OTUD7A: variants seen among roughly 807,000 people sequenced by gnomAD.
OTUD7A encodes OTU domain-containing protein 7A.
OTUD7A carries 12 observed loss-of-function variants against 65.7 expected under a neutral mutation model. The ratio of observed to expected loss-of-function variants is 0.18; its 90% CI spans 0.12 to 0.30. OTUD7A has a LOEUF of 0.30. OTUD7A is among the 10% of genes least tolerant of loss of function. The pLI is 1.00. For synonymous variants in OTUD7A, 641 were observed against 586.3 expected (o/e 1.09, Z -1.35); for missense variants, 1,148 against 1,304.8 (o/e 0.88, Z 1.85).
At chr15:31,527,628 C>G (rs992089113) in intron 6 of OTUD7A, among the ~76,000 whole-genome samples, 2 of 152,250 alleles carry the variant, frequency 1.3e-5, no homozygotes, top group Admixed American at 6.5e-5. Flanking sequence ...GGTCATTATT[C>G]AAGTCTTACA....
intron 1 of OTUD7A, among the ~76,000 whole-genome samples, chr15:31,693,686 C>T (rs1381401221): frequency 6.6e-6 from 1 of 152,168 alleles, no homozygotes; most frequent in Non-Finnish European, 1.5e-5. Flanking sequence ...AGACCCAGGT[C>T]TGTAAGGTGC....
chr15:31,536,863 A>C (rs1169112483), intron 5 of OTUD7A, among the ~76,000 whole-genome samples: 1 of 152,230 alleles, frequency 6.6e-6, no homozygotes, highest in Non-Finnish European at 1.5e-5. Context: ...GACGATGAAG[A>C]GAAGTGGGTT....
intron 3 of OTUD7A, among the ~76,000 whole-genome samples, chr15:31,605,831 G>T (rs932444513): frequency 6.6e-6 from 1 of 152,042 alleles, no homozygotes; most frequent in African/African-American, 2.4e-5. Context: ...CTCTTTCCAC[G>T]CCCTCTCTCC....
intron 1 of OTUD7A, among the ~76,000 whole-genome samples, chr15:31,679,084 G>T (rs1227465733): frequency 6.6e-6 from 1 of 152,172 alleles, no homozygotes; most frequent in African/African-American, 2.4e-5. Context: ...GAACTTTAAG[G>T]TTTAACATTG....
At chr15:31,830,339 T>C (rs1595798757) in intron 1 of OTUD7A, among the ~76,000 whole-genome samples, 1 of 152,310 alleles carries the variant, frequency 6.6e-6, no homozygotes, top group Non-Finnish European at 1.5e-5. Flanking sequence ...CCTCTGAATA[T>C]CTGCAATACC....
chr15:31,721,263 T>C (rs1325184157), intron 1 of OTUD7A, among the ~76,000 whole-genome samples: 1 of 152,238 alleles, frequency 6.6e-6, no homozygotes, highest in East Asian at 1.9e-4. Flanking sequence ...TGCTTGTTGC[T>C]TTTGAGGTCA....
At chr15:31,819,764 T>G (rs927519638) in intron 1 of OTUD7A, among the ~76,000 whole-genome samples, 2 of 151,602 alleles carry the variant, frequency 1.3e-5, no homozygotes, top group African/African-American at 2.4e-5. Flanking sequence ...ATATATAACA[T>G]ATAAGTAACA....
At chr15:31,550,424 G>A (rs1365425710) in intron 5 of OTUD7A, among the ~76,000 whole-genome samples, 1 of 152,190 alleles carries the variant, frequency 6.6e-6, no homozygotes, top group Non-Finnish European at 1.5e-5. Flanking sequence ...ACACATGCAT[G>A]AGACTTGGCA....
At chr15:31,866,912 C>T (rs1156653959) in intron 1 of OTUD7A, among the ~76,000 whole-genome samples, 1 of 152,204 alleles carries the variant, frequency 6.6e-6, no homozygotes, top group Non-Finnish European at 1.5e-5. Context: ...TAAAGAAATG[C>T]CCAGTCATAG....
intron 1 of OTUD7A, among the ~76,000 whole-genome samples, chr15:31,670,446 C>T (rs4275817): frequency 0.34 from 51,452 of 151,836 alleles, 11,453 homozygotes; most frequent in African/African-American, 0.64. Context: ...GCATCTGTTG[C>T]TTCTTGGCTT....
At chr15:31,798,843 C>T (rs185739853) in intron 1 of OTUD7A, among the ~76,000 whole-genome samples, 67 of 152,338 alleles carry the variant, frequency 4.4e-4, no homozygotes, top group South Asian at 2.3e-3. Context: ...CTGAGGAGCT[C>T]TGTGCCTAGG....
chr15:31,565,064 T>G (rs1888821946), intron 4 of OTUD7A, among the ~76,000 whole-genome samples: 1 of 152,114 alleles, frequency 6.6e-6, no homozygotes, highest in Non-Finnish European at 1.5e-5. Flanking sequence ...AGGATGAAAC[T>G]CAGAGAAGAC....
At chr15:31,563,498 G>A (rs1888761599) in intron 4 of OTUD7A, among the ~76,000 whole-genome samples, 1 of 152,234 alleles carries the variant, frequency 6.6e-6, no homozygotes, top group Non-Finnish European at 1.5e-5. Context: ...GGGAATGGGT[G>A]AGGCCGACAG....
At chr15:31,651,992 T>C (rs1244131339) in intron 3 of OTUD7A, among the ~76,000 whole-genome samples, 1 of 74,004 alleles carries the variant, frequency 1.4e-5, no homozygotes, top group South Asian at 3.8e-4. Flanking sequence ...AAAGTTCACA[T>C]AGAAAGGCAA....
chr15:31,593,846 G>A lies in OTUD7A; in HGVS notation c.152-23649C>T, dbSNP rs539410661. Among the ~76,000 whole-genome samples, 4 of 152,212 alleles carry A rather than the reference G, an allele frequency of 2.6e-5. No homozygotes were observed. The South Asian group carries it at 8.3e-4, about 32-fold the overall frequency. On this transcript the variant is annotated intron_variant, in intron 3 of 12. Transcript: ENST00000307050. ...CAGCCCCACTCTCTGCCATTCCCCC[G>A]ATGTGTAAGCAACAGTGTTTCTACT...
At chr15:31,592,478 G>C (rs1220675311) in intron 3 of OTUD7A, among the ~76,000 whole-genome samples, 1 of 151,980 alleles carries the variant, frequency 6.6e-6, no homozygotes, top group Non-Finnish European at 1.5e-5. Flanking sequence ...CCACTGGTAG[G>C]TCTTCAGGGG....
chr15:31,538,465 G>A (rs137938665), intron 5 of OTUD7A, among the ~76,000 whole-genome samples: 187 of 152,252 alleles, frequency 1.2e-3, no homozygotes, highest in Non-Finnish European at 2.3e-3. Context: ...GTCAGGGGAT[G>A]TTATTCCCAT....
Position 31,635,530 on chromosome 15 carries a change from C to T in OTUD7A, c.151+19566G>A, listed in dbSNP as rs190219661. On this transcript the variant is annotated intron_variant, in intron 3 of 12. Transcript: ENST00000307050. ...GCAGAGAGCCCCGACACTGCCTTGCCGCTGCACTGAGGATGGCACCTGGTG... is the reference window on the plus strand; with the variant it reads ...GCAGAGAGCCCCGACACTGCCTTGCTGCTGCACTGAGGATGGCACCTGGTG... Among the ~76,000 whole-genome samples the T allele has an allele frequency of 3.4e-4, 52 of 152,346 alleles. 1 individual carries two copies. Among genetic ancestry groups the T allele is most frequent in the African/African-American group, 1.9e-4 (8 of 41,578 alleles).
At chr15:31,838,834 T>C (rs1184387816) in intron 1 of OTUD7A, among the ~76,000 whole-genome samples, 3 of 152,084 alleles carry the variant, frequency 2.0e-5, no homozygotes, top group Admixed American at 6.6e-5. Flanking sequence ...ATTTTGAGGG[T>C]CCTCCACTAC....
Sources: allele counts gnomAD v4.1 joint callset (sites outside exome capture counted in the v4.1 genomes callset), GRCh38; gene constraint gnomAD v4.1.1; transcripts MANE v1.5; gene names NCBI Gene and HGNC (gene_info 2026-07-23, HGNC 2026-07-21).